Variants in NAALADL2 observed in about 807,000 individuals in gnomAD.
NAALADL2 encodes inactive N-acetylated-alpha-linked acidic dipeptidase-like protein 2.
A neutral mutation model predicts 87.2 loss-of-function variants in NAALADL2; 76 were observed. The observed-to-expected ratio is 0.87, with a 90% CI of 0.72 to 1.05. The LOEUF (loss-of-function observed/expected upper bound fraction) is 1.05, where lower values mean the gene tolerates loss of function less well. NAALADL2 is among the 50% of genes least tolerant of loss of function. The pLI is 0.00. For synonymous variants in NAALADL2, 354 were observed against 331.0 expected (o/e 1.07, Z -0.75); for missense variants, 1,089 against 945.8 (o/e 1.15, Z -1.99).
chr3:175,311,131 C>T (rs996353598), intron 4 of NAALADL2, among the ~76,000 whole-genome samples: 1 of 151,934 alleles, frequency 6.6e-6, no homozygotes, highest in Non-Finnish European at 1.5e-5. Flanking sequence ...ACTGTGTTTT[C>T]AGTTCCTCGG....
At chr3:174,857,377 T>G (rs747137084), upstream of NAALADL2, among the ~76,000 whole-genome samples, 11 of 152,198 alleles carry the variant, frequency 7.2e-5, 1 homozygote, top group Non-Finnish European at 1.5e-4. Context: ...TTCTGGTGTT[T>G]ATATTTGTAT....
At chr3:174,793,205 A>G (rs928825571) in intron 3 of NAALADL2, among the ~76,000 whole-genome samples, 1 of 152,114 alleles carries the variant, frequency 6.6e-6, no homozygotes, top group Non-Finnish European at 1.5e-5. Context: ...TATTTGTATG[A>G]TATGAGATGA....
At chr3:175,680,889 C>A (rs960091391) in intron 11 of NAALADL2, among the ~76,000 whole-genome samples, 1 of 152,044 alleles carries the variant, frequency 6.6e-6, no homozygotes, top group South Asian at 2.1e-4. Flanking sequence ...CTGAGGCGGG[C>A]GGATCAAGAG....
chr3:175,762,164 T>C (rs991545603), intron 13 of NAALADL2, among the ~76,000 whole-genome samples: 1 of 144,152 alleles, frequency 6.9e-6, no homozygotes, highest in Non-Finnish European at 1.5e-5. Context: ...GAGTTAATTT[T>C]CATGAAAAGG....
intron 2 of NAALADL2, among the ~76,000 whole-genome samples, chr3:174,632,731 C>G (rs1203701450): frequency 6.6e-6 from 1 of 151,738 alleles, no homozygotes; most frequent in Admixed American, 6.6e-5. Context: ...GTCAGGAGAT[C>G]GAGACCATCC....
At chr3:175,770,493 G>A (rs987654098) in intron 13 of NAALADL2, among the ~76,000 whole-genome samples, 29 of 152,100 alleles carry the variant, frequency 1.9e-4, no homozygotes, top group Non-Finnish European at 1.8e-4. Flanking sequence ...GTTATATTTG[G>A]CTAATCCTAA....
intron 3 of NAALADL2, among the ~76,000 whole-genome samples, chr3:175,242,058 C>T (rs7632889): frequency 0.74 from 112,264 of 151,016 alleles, 46,605 homozygotes; most frequent in Non-Finnish European, 0.92. Flanking sequence ...GATGGGGTTT[C>T]ACCATGTTGG....
intron 2 of NAALADL2, among the ~76,000 whole-genome samples, chr3:175,213,160 A>G (rs1220705310): frequency 6.6e-6 from 1 of 152,204 alleles, no homozygotes; most frequent in Non-Finnish European, 1.5e-5. Flanking sequence ...CCAAGAGGCT[A>G]AATAACTTGT....
At chr3:175,019,691 TA>T (rs1283119024) in intron 1 of NAALADL2, among the ~76,000 whole-genome samples, 1 of 152,052 alleles carries the variant, frequency 6.6e-6, no homozygotes, top group Non-Finnish European at 1.5e-5. Context: ...GGAATGCCGT[TA>T]AGCAGTTGCT....
chr3:174,923,892 C>T (rs1735595655), intron 1 of NAALADL2, among the ~76,000 whole-genome samples: 1 of 152,080 alleles, frequency 6.6e-6, no homozygotes, highest in African/African-American at 2.4e-5. Context: ...GTTCAAAAAA[C>T]CATGCCTTGT....
intron 4 of NAALADL2, among the ~76,000 whole-genome samples, chr3:175,290,916 T>C (rs1291752672): frequency 3.3e-5 from 5 of 152,130 alleles, no homozygotes; most frequent in Non-Finnish European, 7.4e-5. Context: ...TTTTTTCTAC[T>C]TCTTTGAGTA....
intron 2 of NAALADL2, among the ~76,000 whole-genome samples, chr3:174,623,538 T>C (rs932162672): frequency 1.3e-5 from 2 of 151,732 alleles, no homozygotes; most frequent in Non-Finnish European, 2.9e-5. Context: ...TTCTAGGCTA[T>C]TTAGAAATAT....
At chr3:175,023,473 G>T (rs528534505) in intron 1 of NAALADL2, among the ~76,000 whole-genome samples, 13 of 152,086 alleles carry the variant, frequency 8.5e-5, no homozygotes, top group African/African-American at 3.1e-4. Flanking sequence ...TGAGTTGGAC[G>T]TTCCTGTTGT....
intron 4 of NAALADL2, among the ~76,000 whole-genome samples, chr3:175,280,928 T>C (rs936713439): frequency 3.3e-5 from 5 of 152,052 alleles, no homozygotes; most frequent in East Asian, 3.9e-4. Flanking sequence ...TTTCTTTACA[T>C]TGATGAAGAA....
intron 13 of NAALADL2, among the ~76,000 whole-genome samples, chr3:175,756,703 A>G (rs1747308867): frequency 2.0e-5 from 3 of 152,096 alleles, no homozygotes; most frequent in Admixed American, 2.0e-4. Flanking sequence ...TATATTGGGT[A>G]CACTGTTCAC....
At position 175,447,349 on chromosome 3, in the gene NAALADL2, G is replaced by C. The variant is rs1344783072; in HGVS notation, c.1211G>C (p.Ser404Thr). 1 of 1,574,090 alleles carries C rather than the reference G, an allele frequency of 6.4e-7. No individual in the cohort carries two copies. Among genetic ancestry groups the C allele is most frequent in the East Asian group, 2.3e-5 (1 of 44,348 alleles). The part of the protein sequence containing the change: ...PKARTKNEAC[S>T]SLELPNNEIR... ...GCTAGAACCAAAAATGAAGCGTGTA[G>C]CTCTCTAGAGCTTCCAAATAATGGT... Residue 404 changes from serine to threonine, a missense_variant, in exon 6 of 14, where the codon AGC (serine) becomes ACC (threonine). By Grantham distance (58) the Ser-to-Thr change is moderately conservative. Coordinates refer to ENST00000454872, the MANE Select transcript of NAALADL2 (RefSeq NM_207015.3).
intron 1 of NAALADL2, among the ~76,000 whole-genome samples, chr3:174,526,959 A>G (rs1281444611): frequency 6.6e-6 from 1 of 152,068 alleles, no homozygotes; most frequent in African/African-American, 2.4e-5. Context: ...TACAGGCATG[A>G]GCCACCGTGC....
chr3:175,031,141 T>C (rs58204406), intron 1 of NAALADL2, among the ~76,000 whole-genome samples: 3,758 of 152,100 alleles, frequency 0.025, 169 homozygotes, highest in African/African-American at 0.087. Flanking sequence ...TATTTCAACT[T>C]TAATTTTAGA....
At chr3:174,752,732 A>G (rs1734963060) in intron 3 of NAALADL2, among the ~76,000 whole-genome samples, 1 of 151,848 alleles carries the variant, frequency 6.6e-6, no homozygotes, top group African/African-American at 2.4e-5. Flanking sequence ...TTAATTTTTT[A>G]TGGATAAAAT....
Sources: allele counts gnomAD v4.1 joint callset (sites outside exome capture counted in the v4.1 genomes callset), GRCh38; gene constraint gnomAD v4.1.1; transcripts MANE v1.5; gene names NCBI Gene and HGNC (gene_info 2026-07-23, HGNC 2026-07-21).